The following SEPTIN9 variants were observed in gnomAD, a reference collection of about 807,000 sequenced individuals.
SEPTIN9 encodes the protein septin-9.
Under a neutral mutation model 56.6 loss-of-function variants are expected in SEPTIN9, and 13 were observed. That is an observed-to-expected ratio of 0.23 (90% confidence interval 0.15 to 0.37). The LOEUF (loss-of-function observed/expected upper bound fraction) is 0.37. SEPTIN9 is among the 10% of genes least tolerant of loss of function. The probability of loss-of-function intolerance (pLI) is 1.00; values close to 1 mark genes in which losing one functional copy is unlikely to be tolerated. For synonymous variants in SEPTIN9, 332 were observed against 334.1 expected (o/e 0.99, Z 0.07); for missense variants, 650 against 823.1 (o/e 0.79, Z 2.57).
chr17:77,363,213 A>G (rs1052836262), intron 2 of SEPTIN9, among the ~76,000 whole-genome samples: 1 of 152,142 alleles, frequency 6.6e-6, no homozygotes, highest in East Asian at 1.9e-4. Context: ...TGGGGAAGGC[A>G]CGAGTCAGGG....
rs1341398116 is a variant in SEPTIN9 at position 77,429,286 on chromosome 17, T to C, written c.721+26583T>C. ...CTGACCGTAATTTTGATGGTGCCGATGCCGTCAGCACGCAGGCCTCCTGCC... is the reference window on the plus strand; with the variant it reads ...CTGACCGTAATTTTGATGGTGCCGACGCCGTCAGCACGCAGGCCTCCTGCC... On this transcript the variant is annotated intron_variant, in intron 3 of 11. Coordinates refer to ENST00000427177, the MANE Select transcript of SEPTIN9 (RefSeq NM_001113491.2). The surrounding 1 kb of genome is among the most constrained non-coding windows in gnomAD (Gnocchi z 5.2). 4.2e-6 allele frequency: 2 copies of C among 471,358 alleles called. No individual in the cohort carries two copies. The allele number at this position is 471,358 out of a possible 1,614,324, so 29.2% of individuals were successfully genotyped here. A position where few individuals can be genotyped will look rare whatever the true frequency, so the allele number is the denominator to read the frequency against.
At chr17:77,312,191 A>C (rs2032523747) in intron 2 of SEPTIN9, among the ~76,000 whole-genome samples, 1 of 151,550 alleles carries the variant, frequency 6.6e-6, no homozygotes, top group Non-Finnish European at 1.5e-5. Flanking sequence ...CTTCCCCTCC[A>C]CGGCCAACAT....
rs1319362676 is a variant in SEPTIN9 at position 77,456,659 on chromosome 17, G to GGCCA, written c.722-25483_722-25480dup. 1.3e-5 allele frequency among the ~76,000 whole-genome samples: 2 copies of GGCCA among 151,930 alleles called. No homozygotes were observed. Among genetic ancestry groups the GGCCA allele is most frequent in the Non-Finnish European group, 2.9e-5 (2 of 67,946 alleles). On this transcript the variant is annotated intron_variant, in intron 3 of 11. Transcript: ENST00000427177. The surrounding 1 kb of genome is among the most constrained non-coding windows in gnomAD (Gnocchi z 6.0). Reference sequence around the variant, plus strand: ...CCCACAGCCAGGGACAGGCCTCCATGGCCAGTACCAGGTCTCAGGGACCAG... The same window carrying GGCCA: ...CCCACAGCCAGGGACAGGCCTCCATGGCCAGCCAGTACCAGGTCTCAGGGACCAG...
chr17:77,390,627 G>A (rs1247159705), intron 2 of SEPTIN9, among the ~76,000 whole-genome samples: 1 of 151,254 alleles, frequency 6.6e-6, no homozygotes, highest in African/African-American at 2.4e-5. Flanking sequence ...AATTTTTTGT[G>A]TTTTTAGTAG....
rs116247837 is a variant in SEPTIN9, at chr17:77,434,527, C to A, written c.721+31824C>A. On this transcript the variant is annotated intron_variant, in intron 3 of 11. Coordinates refer to ENST00000427177, the MANE Select transcript of SEPTIN9 (RefSeq NM_001113491.2). This position sits in a 1 kb window ranked among gnomAD's most constrained non-coding sequence, Gnocchi z 5.0. ...ACCAGGTGGCTAAGCAGGGTGGCAGCCAGGGTGGCAGAGTCCCATTGGCCT... is the reference window on the plus strand; with the variant it reads ...ACCAGGTGGCTAAGCAGGGTGGCAGACAGGGTGGCAGAGTCCCATTGGCCT... Among the ~76,000 whole-genome samples, 628 of 152,276 alleles carry A rather than the reference C, an allele frequency of 4.1e-3. 2 individuals carry two copies. The highest frequency in any genetic ancestry group is 0.014 in the African/African-American group (584 of 41,546).
intron 2 of SEPTIN9, among the ~76,000 whole-genome samples, chr17:77,395,526 C>CAA (rs72242549): frequency 5.6e-4 from 65 of 115,282 alleles, no homozygotes; most frequent in Middle Eastern, 4.6e-3. Context: ...GAGACTGTCT[C>CAA]AAAAAAAAAA....
At chr17:77,299,687 C>G (rs1201542284) in intron 1 of SEPTIN9, among the ~76,000 whole-genome samples, 1 of 152,242 alleles carries the variant, frequency 6.6e-6, no homozygotes, top group Non-Finnish European at 1.5e-5. Flanking sequence ...TAAGCCTTTG[C>G]AGGGAGGCTC....
At position 77,429,129 on chromosome 17, in the gene SEPTIN9, C is replaced by T. The variant is rs1462948473; in HGVS notation, c.721+26426C>T. ...CTCCGGTGTGTGTGAGGCCAAGCTCCTGGGGTGGGGACTTGGGGGTGTGTC... is the reference window on the plus strand; with the variant it reads ...CTCCGGTGTGTGTGAGGCCAAGCTCTTGGGGTGGGGACTTGGGGGTGTGTC... On this transcript the variant is annotated intron_variant, in intron 3 of 11. Transcript: ENST00000427177. This position sits in a 1 kb window ranked among gnomAD's most constrained non-coding sequence, Gnocchi z 5.2. 1 of 471,666 alleles carries T rather than the reference C, an allele frequency of 2.1e-6. No homozygotes were observed. Among genetic ancestry groups the T allele is most frequent in the Non-Finnish European group, 4.4e-6 (1 of 227,190 alleles). 29.2% of individuals were successfully genotyped at this position (471,666 alleles called of 1,614,324 possible). A position where few individuals can be genotyped will look rare whatever the true frequency, so the allele number is the denominator to read the frequency against.
intron 3 of SEPTIN9, among the ~76,000 whole-genome samples, chr17:77,406,703 C>T (rs918883769): frequency 3.3e-5 from 5 of 151,274 alleles, no homozygotes; most frequent in African/African-American, 4.9e-5. Flanking sequence ...TGGAGTCTCT[C>T]TCTATCACCC....
chr17:77,429,930 G>C lies in SEPTIN9; in HGVS notation c.721+27227G>C, dbSNP rs1781995738. 6.6e-6 allele frequency among the ~76,000 whole-genome samples: 1 copy of C among 152,186 alleles called. No homozygotes were observed. Among genetic ancestry groups the C allele is most frequent in the Non-Finnish European group, 1.5e-5 (1 of 68,028 alleles). ...TGTCAAATCCTTTAGATGCTTCTGG[G>C]TTCCATGGGCGCCTTACACTGGCTT... On this transcript the variant is annotated intron_variant, in intron 3 of 11. Coordinates refer to ENST00000427177, the MANE Select transcript of SEPTIN9 (RefSeq NM_001113491.2). This position sits in a 1 kb window ranked among gnomAD's most constrained non-coding sequence, Gnocchi z 5.2.
chr17:77,445,104 C>G lies in SEPTIN9; in HGVS notation c.722-37040C>G. The G allele has an allele frequency of 2.2e-6, 1 of 456,950 alleles. No individual in the cohort carries two copies. The highest frequency in any genetic ancestry group is 1.6e-5 in the South Asian group (1 of 63,634). 28.3% of individuals were successfully genotyped at this position (456,950 alleles called of 1,614,324 possible). ...CCCACCATGCCTGCCTGGGGACGGC[C>G]TTCACTCGGGCTACTCAGGGTTTCC... On this transcript the variant is annotated intron_variant, in intron 3 of 11. Transcript: ENST00000427177. The surrounding 1 kb of genome is among the most constrained non-coding windows in gnomAD (Gnocchi z 4.7).
chr17:77,326,302 T>C lies in SEPTIN9; in HGVS notation c.76+19105T>C, dbSNP rs898710750. ...AAGCCAGACACAGTCCTTGCCCTCA[T>C]GGGACTGCACAAGTGCAAGACCACA... On this transcript the variant is annotated intron_variant, in intron 2 of 11. Transcript: ENST00000427177. This position sits in a 1 kb window ranked among gnomAD's most constrained non-coding sequence, Gnocchi z 5.1. Among the ~76,000 whole-genome samples the C allele has an allele frequency of 3.9e-5, 6 of 152,318 alleles. No homozygotes were observed. Among genetic ancestry groups the C allele is most frequent in the Non-Finnish European group, 7.4e-5 (5 of 68,026 alleles).
intron 2 of SEPTIN9, among the ~76,000 whole-genome samples, chr17:77,355,896 G>A (rs1262458406): frequency 6.7e-6 from 1 of 149,748 alleles, no homozygotes; most frequent in Admixed American, 6.7e-5. Context: ...GCAGGAGAAT[G>A]GCGTGAACCC....
intron 3 of SEPTIN9, among the ~76,000 whole-genome samples, chr17:77,459,983 ACT>A (rs886311462): frequency 6.6e-6 from 1 of 151,692 alleles, no homozygotes; most frequent in African/African-American, 2.4e-5. Flanking sequence ...GCCCTCCCAG[ACT>A]CTATAGCAAT....
chr17:77,418,661 T>C (rs1399448990), intron 3 of SEPTIN9, among the ~76,000 whole-genome samples: 3 of 152,132 alleles, frequency 2.0e-5, no homozygotes, highest in Non-Finnish European at 2.9e-5. Flanking sequence ...TGCCTTGATT[T>C]TCTCTTAAGG....
At position 77,411,960 on chromosome 17, in the gene SEPTIN9, T is replaced by C. The variant is rs140215485; in HGVS notation, c.721+9257T>C. Among the ~76,000 whole-genome samples, 996 of 151,668 alleles carry C rather than the reference T, an allele frequency of 6.6e-3. 17 individuals are homozygous for C. The highest frequency in any genetic ancestry group is 0.023 in the African/African-American group (933 of 41,422). On this transcript the variant is annotated intron_variant, in intron 3 of 11. Coordinates refer to ENST00000427177, the MANE Select transcript of SEPTIN9 (RefSeq NM_001113491.2). ...GCCTGGCCAACATGGTGAAACCCCATCTCTACTAAAAATACAAAAATTAGC... is the reference window on the plus strand; with the variant it reads ...GCCTGGCCAACATGGTGAAACCCCACCTCTACTAAAAATACAAAAATTAGC...
At chr17:77,473,360 A>T (rs918792784) in intron 3 of SEPTIN9, among the ~76,000 whole-genome samples, 2 of 152,190 alleles carry the variant, frequency 1.3e-5, no homozygotes, top group African/African-American at 2.4e-5. Flanking sequence ...GTAAGTTCTC[A>T]TCACACCAAG....
chr17:77,294,118 A>C (rs2031694541), intron 1 of SEPTIN9, among the ~76,000 whole-genome samples: 1 of 147,676 alleles, frequency 6.8e-6, no homozygotes, highest in African/African-American at 2.6e-5. Context: ...AAAAAAAAAA[A>C]ACAACAAAAA....
chr17:77,307,104 G>T, intron 1 of SEPTIN9, 37 bp from the exon 2 acceptor site: 1 of 1,601,840 alleles, frequency 6.2e-7, no homozygotes, highest in South Asian at 1.1e-5. Flanking sequence ...AGCGCCAGTG[G>T]CCTTGTGTGA....
Sources: gnomAD v4.1 joint callset for allele counts (sites outside exome capture counted in the v4.1 genomes callset) on GRCh38, gnomAD v4.1.1 for gene constraint, Gnocchi (gnomAD v3.1) non-coding constraint, MANE v1.5 for transcripts, NCBI Gene and HGNC (gene_info 2026-07-23, HGNC 2026-07-21) for gene names.